The following RAD51B variants were observed in gnomAD, a reference collection of about 807,000 sequenced individuals.
RAD51B encodes the protein RAD51 paralog B.
RAD51B carries 38 observed loss-of-function variants against 42.2 expected under a neutral mutation model. That is an observed-to-expected ratio of 0.90 (90% CI 0.70 to 1.18). RAD51B has a LOEUF of 1.18. Among genes scored for constraint, RAD51B ranks in the 50% most tolerant of loss-of-function variants. The pLI, the probability that RAD51B is intolerant of heterozygous loss-of-function variation, is 0.00. For missense variants in RAD51B, 373 were observed against 400.7 expected (o/e 0.93, Z 0.59); for synonymous variants, 154 against 145.2 (o/e 1.06, Z -0.43).
At chr14:68,556,511 A>T (rs1277223743) in intron 10 of RAD51B, among the ~76,000 whole-genome samples, 1 of 152,188 alleles carries the variant, frequency 6.6e-6, no homozygotes, top group East Asian at 1.9e-4. Flanking sequence ...ATGGGGAGAG[A>T]GCGGCCTGAG....
intron 11 of RAD51B, chr14:68,682,847 A>G (rs920348834): frequency 3.9e-6 from 3 of 767,290 alleles, no homozygotes; most frequent in Non-Finnish European, 4.7e-6. Flanking sequence ...TCTCTGAAGG[A>G]TTTATTGCCT....
At chr14:68,676,339 A>G (rs1893302158) in intron 11 of RAD51B, among the ~76,000 whole-genome samples, 1 of 152,190 alleles carries the variant, frequency 6.6e-6, no homozygotes, top group Non-Finnish European at 1.5e-5. Context: ...CCTCATAGTA[A>G]GCCACATTTG....
intron 7 of RAD51B, among the ~76,000 whole-genome samples, chr14:68,201,863 G>T (rs2079492627): frequency 6.6e-6 from 1 of 152,150 alleles, no homozygotes; most frequent in Non-Finnish European, 1.5e-5. Flanking sequence ...GCCTGCTTCT[G>T]ATTTGGATTG....
chr14:68,315,888 C>G (rs1159885186), intron 8 of RAD51B, among the ~76,000 whole-genome samples: 4 of 152,126 alleles, frequency 2.6e-5, no homozygotes, highest in Non-Finnish European at 5.9e-5. Context: ...AAGTCACTGC[C>G]CCCCAGAGTT....
At chr14:68,617,251 C>A (rs1891844833) in intron 10 of RAD51B, among the ~76,000 whole-genome samples, 1 of 152,090 alleles carries the variant, frequency 6.6e-6, no homozygotes, top group Admixed American at 6.5e-5. Context: ...TAAGATTATT[C>A]CTTTAGAGGC....
intron 7 of RAD51B, among the ~76,000 whole-genome samples, chr14:68,273,018 C>T (rs2081150836): frequency 6.6e-6 from 1 of 152,064 alleles, no homozygotes; most frequent in African/African-American, 2.4e-5. Context: ...TCTAGAACTT[C>T]GGCTTCTGCC....
At chr14:68,007,990 A>AT (rs969112492) in intron 7 of RAD51B, among the ~76,000 whole-genome samples, 15 of 151,816 alleles carry the variant, frequency 9.9e-5, no homozygotes, top group East Asian at 5.8e-4. Flanking sequence ...TAAAAATATG[A>AT]TTTTTTTTGT....
chr14:67,849,558 C>T (rs1043056030), intron 4 of RAD51B, among the ~76,000 whole-genome samples: 1 of 152,054 alleles, frequency 6.6e-6, no homozygotes, highest in Non-Finnish European at 1.5e-5. Flanking sequence ...ACTGGGATTA[C>T]AGGCGTGAGC....
intron 8 of RAD51B, among the ~76,000 whole-genome samples, chr14:68,352,259 G>A (rs11628653): frequency 6.6e-6 from 1 of 152,026 alleles, no homozygotes; most frequent in African/African-American, 2.4e-5. Flanking sequence ...CTTAAACAAC[G>A]TTGTGGTGCT....
intron 8 of RAD51B, among the ~76,000 whole-genome samples, chr14:68,307,359 C>T (rs2081888629): frequency 6.6e-6 from 1 of 152,194 alleles, no homozygotes. Flanking sequence ...TTGGCTCCTC[C>T]AGCTGTCCAG....
intron 7 of RAD51B, among the ~76,000 whole-genome samples, chr14:68,267,641 C>T (rs1425202515): frequency 1.3e-5 from 2 of 152,180 alleles, no homozygotes; most frequent in African/African-American, 2.4e-5. Context: ...AAGGAGGGTC[C>T]TCAAACCCAT....
chr14:68,465,890 G>A (rs1387983600), intron 9 of RAD51B, among the ~76,000 whole-genome samples: 1 of 150,874 alleles, frequency 6.6e-6, no homozygotes, highest in Non-Finnish European at 1.5e-5. Context: ...GCAGTGAGCC[G>A]AGATTGCGCC....
chr14:68,510,058 G>C (rs138090252), intron 10 of RAD51B, among the ~76,000 whole-genome samples: 223 of 152,160 alleles, frequency 1.5e-3, no homozygotes, highest in African/African-American at 5.1e-3. Flanking sequence ...CCTCCCCCTA[G>C]CCCCACTCCC....
Position 68,681,455 on chromosome 14 carries a change from C to T in RAD51B, c.*11+30599C>T, listed in dbSNP as rs369071224. ...TACCATGAAAACATCGGGCAAGTGG[C>T]TAAACTGTGCGTCCAGTGTTCACTT... On this transcript the variant is annotated intron_variant, in intron 11 of 11. Coordinates refer to the RAD51B transcript ENST00000488612. 2.5e-4 allele frequency among the ~76,000 whole-genome samples: 38 copies of T among 152,276 alleles called. No homozygotes were observed. The East Asian group carries it at 3.7e-3, about 15-fold the overall frequency.
At chr14:67,996,129 T>G (rs1859811813) in intron 7 of RAD51B, among the ~76,000 whole-genome samples, 1 of 151,622 alleles carries the variant, frequency 6.6e-6, no homozygotes, top group African/African-American at 2.4e-5. Flanking sequence ...GGTGCAGTGG[T>G]TCATGCCTGT....
chr14:67,951,899 A>T (rs1020798425), intron 7 of RAD51B, among the ~76,000 whole-genome samples: 2 of 152,048 alleles, frequency 1.3e-5, no homozygotes, highest in African/African-American at 4.8e-5. Context: ...ACATTCCTGG[A>T]CCTCCTGTTA....
intron 8 of RAD51B, among the ~76,000 whole-genome samples, chr14:68,353,956 G>A (rs1006959490): frequency 6.6e-6 from 1 of 152,154 alleles, no homozygotes; most frequent in African/African-American, 2.4e-5. Context: ...TAAGTCACAT[G>A]TATACGTTCC....
chr14:68,628,582 G>C (rs1892150897), intron 10 of RAD51B: 1 of 152,248 alleles, frequency 6.6e-6, no homozygotes, highest in Non-Finnish European at 1.5e-5. Context: ...GGCGCATTGT[G>C]GGGCCAAGCG....
At chr14:68,390,151 T>G (rs951722868) in intron 8 of RAD51B, among the ~76,000 whole-genome samples, 3 of 152,166 alleles carry the variant, frequency 2.0e-5, no homozygotes, top group African/African-American at 7.2e-5. Context: ...TTTTTTGGAG[T>G]TGCTGACTGT....
Sources: gnomAD v4.1 joint callset for allele counts (sites outside exome capture counted in the v4.1 genomes callset) on GRCh38, gnomAD v4.1.1 for gene constraint, MANE v1.5 for transcripts, NCBI Gene and HGNC (gene_info 2026-07-23, HGNC 2026-07-21) for gene names.